VPS13B: variants seen among roughly 807,000 people sequenced by gnomAD.
VPS13B encodes the protein intermembrane lipid transfer protein VPS13B.
In VPS13B, 285 loss-of-function variants were observed where a neutral mutation model predicts 426.4. That is an observed-to-expected ratio of 0.67 (90% CI 0.61 to 0.74). VPS13B has a LOEUF of 0.74. VPS13B is among the 30% of genes least tolerant of loss of function. VPS13B has a pLI of 0.00. For synonymous variants in VPS13B, 1,676 were observed against 1,676.4 expected (o/e 1.00, Z 0.01); for missense variants, 4,537 against 4,782.6 (o/e 0.95, Z 1.51).
intron 36 of VPS13B, among the ~76,000 whole-genome samples, chr8:99,700,548 G>A (rs1832224365): frequency 6.6e-6 from 1 of 152,340 alleles, no homozygotes; most frequent in East Asian, 1.9e-4. Context: ...CATTTTATCA[G>A]GCAGCAACAC....
At chr8:99,051,213 G>A (rs1476404486) in intron 3 of VPS13B, among the ~76,000 whole-genome samples, 1 of 152,164 alleles carries the variant, frequency 6.6e-6, no homozygotes, top group East Asian at 1.9e-4. Flanking sequence ...TGTATAAGGT[G>A]TAAGGAAGGG....
chr8:99,135,079 G>A lies in VPS13B; in HGVS notation c.1367G>A (p.Cys456Tyr). ...GGGTTTGTTGGTTGCAGAGCCATGT[G>A]CCTTAAAGGAATTATGGGTGTTAAA... ...QIGFVGCRAMCLKGIMGVKDF... is the reference protein window; with the variant it reads ...QIGFVGCRAMYLKGIMGVKDF... The change falls in exon 10 of 62, where the codon TGC becomes TAC. Residue 456 changes from cysteine (C) to tyrosine (Y), a missense_variant. This residue lies in a region of VPS13B where 4,311 missense variants were observed against 4,474.3 expected (regional missense o/e 0.96). Transcript: ENST00000357162. 1 of 1,613,548 alleles carries A rather than the reference G, an allele frequency of 6.2e-7. No individual in the cohort carries two copies. Among genetic ancestry groups the A allele is most frequent in the Non-Finnish European group, 8.5e-7 (1 of 1,179,610 alleles).
chr8:99,516,201 C>T (rs1273767639), intron 29 of VPS13B, among the ~76,000 whole-genome samples: 1 of 152,032 alleles, frequency 6.6e-6, no homozygotes, highest in Non-Finnish European at 1.5e-5. Flanking sequence ...ATAATTCACC[C>T]ATGAAAAGGT....
At chr8:99,775,444 G>A (rs187878401) in intron 40 of VPS13B, among the ~76,000 whole-genome samples, 41 of 152,272 alleles carry the variant, frequency 2.7e-4, no homozygotes, top group African/African-American at 9.4e-4. Context: ...CAATTAACAG[G>A]ACACACCTTG....
At chr8:99,463,964 G>A (rs1038791274) in intron 23 of VPS13B, among the ~76,000 whole-genome samples, 2 of 152,114 alleles carry the variant, frequency 1.3e-5, no homozygotes, top group African/African-American at 4.8e-5. Context: ...CAAAGTGTTG[G>A]TATTACAAGC....
At chr8:99,757,879 A>G (rs567260134) in intron 39 of VPS13B, among the ~76,000 whole-genome samples, 10 of 152,226 alleles carry the variant, frequency 6.6e-5, no homozygotes, top group Non-Finnish European at 1.0e-4. Context: ...ATGTAATAAA[A>G]AAATATATAA....
At chr8:99,552,622 T>C (rs547162467) in intron 30 of VPS13B, among the ~76,000 whole-genome samples, 1 of 151,722 alleles carries the variant, frequency 6.6e-6, no homozygotes, top group Admixed American at 6.6e-5. Context: ...TAAAGACAGG[T>C]AAGTTGATAA....
At chr8:99,277,281 T>C (rs1463375324) in intron 19 of VPS13B, among the ~76,000 whole-genome samples, 1 of 152,140 alleles carries the variant, frequency 6.6e-6, no homozygotes, top group Admixed American at 6.5e-5. Context: ...TAAAATGTAA[T>C]ATATTTTAAC....
At chr8:99,675,074 T>A (rs1329844461) in intron 35 of VPS13B, among the ~76,000 whole-genome samples, 1 of 151,916 alleles carries the variant, frequency 6.6e-6, no homozygotes, top group Admixed American at 6.6e-5. Flanking sequence ...ATCATCCTTT[T>A]CTTTCAGCTT....
At chr8:99,470,885 T>G (rs1819368155) in intron 24 of VPS13B, among the ~76,000 whole-genome samples, 1 of 152,106 alleles carries the variant, frequency 6.6e-6, no homozygotes, top group African/African-American at 2.4e-5. Flanking sequence ...AATAAATTTT[T>G]TAAAATTTTG....
intron 48 of VPS13B, 78 bp downstream of exon 48, chr8:99,819,660 C>T (rs1814253739): frequency 2.0e-6 from 3 of 1,485,330 alleles, no homozygotes; most frequent in Admixed American, 3.8e-5. Flanking sequence ...TATTAAATAC[C>T]ATAAGTGGTG....
chr8:99,614,252 TAC>T (rs146295745), intron 33 of VPS13B, among the ~76,000 whole-genome samples: 5,179 of 150,300 alleles, frequency 0.034, 318 homozygotes, highest in African/African-American at 0.12. Flanking sequence ...TTAAATTTTA[TAC>T]ACACACACAC....
intron 44 of VPS13B, among the ~76,000 whole-genome samples, chr8:99,813,410 G>A (rs529676455): frequency 2.0e-5 from 3 of 152,326 alleles, no homozygotes; most frequent in African/African-American, 7.2e-5. Flanking sequence ...CAAGAGCCAT[G>A]TGCATATATT....
intron 33 of VPS13B, among the ~76,000 whole-genome samples, chr8:99,605,594 C>T (rs1827530519): frequency 6.6e-6 from 1 of 151,996 alleles, no homozygotes. Context: ...CTAGTTTTTT[C>T]CTCAGGCATC....
intron 3 of VPS13B, among the ~76,000 whole-genome samples, chr8:99,080,122 C>G (rs1588007443): frequency 6.6e-6 from 1 of 151,274 alleles, no homozygotes; most frequent in East Asian, 1.9e-4. Flanking sequence ...CTGCAGGGGT[C>G]ATTATTCAGA....
chr8:99,040,001 T>C (rs1842906068), intron 3 of VPS13B, among the ~76,000 whole-genome samples: 1 of 152,174 alleles, frequency 6.6e-6, no homozygotes. Context: ...AAATGTTAAG[T>C]GGTTCTTAAT....
At chr8:99,623,424 C>A (rs1828453970) in intron 33 of VPS13B, among the ~76,000 whole-genome samples, 1 of 152,140 alleles carries the variant, frequency 6.6e-6, no homozygotes, top group Non-Finnish European at 1.5e-5. Context: ...TGTGACATTT[C>A]CCTACCTCCT....
intron 58 of VPS13B, 59 bp from the exon 59 acceptor site, chr8:99,868,230 C>G (rs1354363852): frequency 6.8e-6 from 11 of 1,606,648 alleles, no homozygotes; most frequent in Non-Finnish European, 9.4e-6. Context: ...CCAGATGGAG[C>G]CTTTCATTTT....
At chr8:99,338,392 G>A (rs930816697) in intron 19 of VPS13B, among the ~76,000 whole-genome samples, 19 of 151,570 alleles carry the variant, frequency 1.3e-4, no homozygotes, top group South Asian at 8.4e-4. Flanking sequence ...TATTTCTTGC[G>A]TACTACATTC....
Sources: gnomAD v4.1 joint callset for allele counts (sites outside exome capture counted in the v4.1 genomes callset) on GRCh38, gnomAD v4.1.1 for gene constraint, gnomAD v4.1.1 regional missense constraint, MANE v1.5 for transcripts, NCBI Gene and HGNC (gene_info 2026-07-23, HGNC 2026-07-21) for gene names.